The following VPS53 variants were observed in gnomAD, a reference collection of about 807,000 sequenced individuals.
The protein encoded by VPS53 is vacuolar protein sorting-associated protein 53 homolog.
Under a neutral mutation model 107.0 loss-of-function variants are expected in VPS53, and 70 were observed. The observed-to-expected ratio is 0.65, with a 90% CI of 0.54 to 0.80. The LOEUF (loss-of-function observed/expected upper bound fraction) is 0.80. Among genes scored for constraint, VPS53 ranks in the 30% least tolerant of loss-of-function variants. The pLI, the probability that VPS53 is intolerant of heterozygous loss-of-function variation, is 0.00. For missense variants in VPS53, 917 were observed against 1,049.4 expected (o/e 0.87, Z 1.74); for synonymous variants, 409 against 393.3 (o/e 1.04, Z -0.47).
At chr17:618,791 G>A (rs927387331) in intron 11 of VPS53, among the ~76,000 whole-genome samples, 6 of 147,902 alleles carry the variant, frequency 4.1e-5, no homozygotes, top group Admixed American at 6.8e-5. Context: ...GACTACAGGC[G>A]CCCACCAGGC....
intron 13 of VPS53, among the ~76,000 whole-genome samples, chr17:570,811 A>G (rs1301018897): frequency 6.6e-6 from 1 of 152,204 alleles, no homozygotes; most frequent in Non-Finnish European, 1.5e-5. Flanking sequence ...ATGAAGCAGT[A>G]ATACTGTATC....
At chr17:548,385 T>A (rs12938532) in intron 17 of VPS53, among the ~76,000 whole-genome samples, 165 of 136,844 alleles carry the variant, frequency 1.2e-3, no homozygotes, top group African/African-American at 2.8e-3. Flanking sequence ...CCTTCTGGAA[T>A]CATCCAATGA....
rs1349420037 is a variant in VPS53, at chr17:553,457, T to C, written c.1710A>G (p.Glu570=). 6.2e-7 allele frequency: 1 copy of C among 1,613,326 alleles called. No homozygotes were observed. The highest frequency in any genetic ancestry group is 1.3e-5 in the African/African-American group (1 of 74,916). Residue 570 remains glutamate, a synonymous_variant, in exon 16 of 22, where the codon GAA becomes GAG. Coordinates refer to ENST00000437048, the MANE Select transcript of VPS53 (RefSeq NM_001128159.3). ...CATCCACTTTTTCTTTGAGTTTTTC[T>C]TCTAGCTGTTGAAAAACAGAAGAAA... ...EYCLATTQQL[E]EKLKEKVDVS...
chr17:551,851 T>C, intron 17 of VPS53, 21 bp downstream of exon 17: 1 of 1,568,098 alleles, frequency 6.4e-7, no homozygotes, highest in Middle Eastern at 1.7e-4. Flanking sequence ...GTTTGTAGGA[T>C]GCCATTTCCC....
At chr17:623,004 C>G (rs1969535530) in intron 11 of VPS53, among the ~76,000 whole-genome samples, 1 of 151,964 alleles carries the variant, frequency 6.6e-6, no homozygotes, top group South Asian at 2.1e-4. Flanking sequence ...GAAGAGGTTT[C>G]CGGAGTGAAA....
intron 14 of VPS53, 109 bp downstream of exon 14, chr17:562,394 C>G: frequency 6.7e-7 from 1 of 1,488,774 alleles, no homozygotes; most frequent in Non-Finnish European, 9.1e-7. Flanking sequence ...GCGTGCTTTC[C>G]TCCTTGATAC....
intron 7 of VPS53, among the ~76,000 whole-genome samples, chr17:647,256 T>C (rs1970748889): frequency 6.6e-6 from 1 of 152,218 alleles, no homozygotes; most frequent in African/African-American, 2.4e-5. Flanking sequence ...TCTGAGATCC[T>C]GCTATGCCTT....
intron 13 of VPS53, among the ~76,000 whole-genome samples, chr17:566,904 C>T (rs1012250363): frequency 2.0e-5 from 3 of 151,834 alleles, no homozygotes; most frequent in Admixed American, 6.6e-5. Flanking sequence ...CCACCACAAC[C>T]GGCTAATTTT....
chr17:614,418 C>T (rs1032797192), intron 11 of VPS53, among the ~76,000 whole-genome samples: 7 of 152,170 alleles, frequency 4.6e-5, no homozygotes, highest in Admixed American at 6.5e-5. Context: ...TCTCTATTCT[C>T]GCCATAATTT....
intron 12 of VPS53, among the ~76,000 whole-genome samples, chr17:596,990 C>G (rs923694853): frequency 2.0e-5 from 3 of 152,180 alleles, no homozygotes; most frequent in Non-Finnish European, 2.9e-5. Context: ...TCGAACCGCT[C>G]GGATCACCAG....
intron 12 of VPS53, among the ~76,000 whole-genome samples, chr17:588,888 A>G (rs901601100): frequency 6.6e-6 from 1 of 152,188 alleles, no homozygotes; most frequent in Non-Finnish European, 1.5e-5. Flanking sequence ...GTCCTCACCC[A>G]CTTGTCCTGT....
chr17:585,216 C>T (rs1217086830), intron 13 of VPS53, among the ~76,000 whole-genome samples: 2 of 152,194 alleles, frequency 1.3e-5, no homozygotes. Context: ...ATGTGATGTG[C>T]CTCTTGACAC....
rs1908358735 is a variant in VPS53 at position 516,999 on chromosome 17, C to T, written c.*2129G>A. ...AGAACCAGGTGCAGGAGTCCACTGG[C>T]TTTCCCAGCTCTCCTGGGTTGAGGA... On this transcript the variant is annotated 3_prime_UTR_variant, in exon 22 of 22. Coordinates refer to ENST00000437048, the MANE Select transcript of VPS53 (RefSeq NM_001128159.3). 1 of 156,882 alleles carries T rather than the reference C, an allele frequency of 6.4e-6. No homozygotes were observed. Among genetic ancestry groups the T allele is most frequent in the Non-Finnish European group, 1.4e-5 (1 of 71,330 alleles). 9.7% of individuals were successfully genotyped at this position (156,882 alleles called of 1,614,324 possible).
intron 7 of VPS53, among the ~76,000 whole-genome samples, chr17:638,326 G>C (rs1286865874): frequency 6.6e-6 from 1 of 152,106 alleles, no homozygotes; most frequent in Non-Finnish European, 1.5e-5. Context: ...CATGAGATGG[G>C]TCTCCTGAAT....
At chr17:637,466 G>C (rs992182169) in intron 7 of VPS53, among the ~76,000 whole-genome samples, 1 of 152,118 alleles carries the variant, frequency 6.6e-6, no homozygotes, top group Non-Finnish European at 1.5e-5. Context: ...GCGAGCTTTT[G>C]AATGTGTTTG....
At chr17:629,940 G>C (rs918388269) in intron 8 of VPS53, among the ~76,000 whole-genome samples, 37 of 151,778 alleles carry the variant, frequency 2.4e-4, no homozygotes, top group African/African-American at 8.7e-4. Flanking sequence ...AAAATATAAA[G>C]CAGGCCTCTT....
chr17:572,458 A>AGGT (rs1914248411), intron 13 of VPS53, among the ~76,000 whole-genome samples: 1 of 76,698 alleles, frequency 1.3e-5, no homozygotes, highest in African/African-American at 7.1e-5. Context: ...CCGGGAGGTG[A>AGGT]GGGGCGCCTC....
chr17:548,187 A>G (rs8074392), intron 17 of VPS53, among the ~76,000 whole-genome samples: 38,273 of 152,176 alleles, frequency 0.25, 5,484 homozygotes, highest in African/African-American at 0.38. Context: ...AGTGGAGTAA[A>G]GAGATAGATA....
chr17:680,460 C>G (rs1040524874), intron 4 of VPS53, among the ~76,000 whole-genome samples: 2 of 151,724 alleles, frequency 1.3e-5, no homozygotes, highest in African/African-American at 4.8e-5. Flanking sequence ...GATGACCCAG[C>G]AAGCATTTAT....
Sources: allele counts gnomAD v4.1 joint callset (sites outside exome capture counted in the v4.1 genomes callset), GRCh38; gene constraint gnomAD v4.1.1; transcripts MANE v1.5; gene names NCBI Gene and HGNC (gene_info 2026-07-23, HGNC 2026-07-21).